MTMR7: variants seen among roughly 807,000 people sequenced by gnomAD.
The protein encoded by MTMR7 is phosphatidylinositol-3-phosphate phosphatase MTMR7.
MTMR7 carries 76 observed loss-of-function variants against 81.2 expected under a neutral mutation model. That is an observed-to-expected ratio of 0.94 (90% CI 0.78 to 1.13). MTMR7 has a LOEUF of 1.13. Ranked by LOEUF, MTMR7 falls within the 50% of genes most tolerant of loss-of-function variation. MTMR7 has a pLI of 0.00. For missense variants in MTMR7, 1,044 were observed against 820.0 expected, an observed-to-expected ratio of 1.27 and a Z score of -3.34; for synonymous variants, 372 against 289.8, an observed-to-expected ratio of 1.28 and a Z score of -2.88.
intron 7 of MTMR7, among the ~76,000 whole-genome samples, chr8:17,318,578 C>T (rs1422790486): frequency 2.6e-5 from 4 of 152,128 alleles, no homozygotes; most frequent in African/African-American, 4.8e-5. Flanking sequence ...CAGGAGGAAT[C>T]GCTGTTGGCC....
At chr8:17,304,247 T>G (rs1206383261) in intron 12 of MTMR7, 132 bp downstream of exon 12, 3 of 939,444 alleles carry the variant, frequency 3.2e-6, no homozygotes, top group Non-Finnish European at 4.5e-6. Flanking sequence ...TATTCAAGCA[T>G]CTCCCTCTGG....
intron 5 of MTMR7, among the ~76,000 whole-genome samples, chr8:17,348,354 A>G (rs1819624332): frequency 6.6e-6 from 1 of 151,710 alleles, no homozygotes; most frequent in East Asian, 2.0e-4. Flanking sequence ...CCTGGCCAAC[A>G]TGGTGAAACC....
intron 1 of MTMR7, among the ~76,000 whole-genome samples, chr8:17,392,502 G>C (rs945346698): frequency 6.6e-6 from 1 of 152,162 alleles, no homozygotes; most frequent in Non-Finnish European, 1.5e-5. Context: ...CCACTAAAAA[G>C]CCAAAGTGTG....
At chr8:17,375,401 A>T (rs73666126) in intron 1 of MTMR7, among the ~76,000 whole-genome samples, 12,812 of 152,126 alleles carry the variant, frequency 0.084, 1,411 homozygotes, top group East Asian at 0.39. Context: ...GAGCATTGTG[A>T]AATTCCTGAG....
chr8:17,357,851 C>T (rs1337920107), intron 4 of MTMR7, among the ~76,000 whole-genome samples: 1 of 152,176 alleles, frequency 6.6e-6, no homozygotes, highest in African/African-American at 2.4e-5. Context: ...TTCCGTTATT[C>T]TTCAAAGTCC....
chr8:17,359,900 T>G (rs1325106826), intron 4 of MTMR7, among the ~76,000 whole-genome samples: 2 of 152,166 alleles, frequency 1.3e-5, no homozygotes, highest in Non-Finnish European at 2.9e-5. Flanking sequence ...TTTGACAACA[T>G]GTACAAAACT....
At chr8:17,379,417 A>C (rs1820693297) in intron 1 of MTMR7, among the ~76,000 whole-genome samples, 1 of 152,218 alleles carries the variant, frequency 6.6e-6, no homozygotes, top group Non-Finnish European at 1.5e-5. Flanking sequence ...ATTTGAAGGA[A>C]AGATGCCTGT....
chr8:17,351,147 T>C (rs1252062963), intron 4 of MTMR7, among the ~76,000 whole-genome samples: 1 of 152,208 alleles, frequency 6.6e-6, no homozygotes, highest in Non-Finnish European at 1.5e-5. Flanking sequence ...AAATAACAGT[T>C]TTTAAAAGGA....
intron 1 of MTMR7, among the ~76,000 whole-genome samples, chr8:17,398,363 A>G (rs1821322086): frequency 6.6e-6 from 1 of 152,220 alleles, no homozygotes; most frequent in Non-Finnish European, 1.5e-5. Context: ...AATAATTAAA[A>G]AGCATCAAGC....
chr8:17,300,335 A>G (rs1817033909), intron 13 of MTMR7, 111 bp from the exon 14 acceptor site: 1 of 1,200,554 alleles, frequency 8.3e-7, no homozygotes, highest in Non-Finnish European at 1.1e-6. Flanking sequence ...TGTTAAGAAC[A>G]TGTGACTCAG....
chr8:17,373,778 T>A (rs2150567004), intron 1 of MTMR7, among the ~76,000 whole-genome samples: 1 of 152,318 alleles, frequency 6.6e-6, no homozygotes, highest in African/African-American at 2.4e-5. Context: ...TCAAGATCCT[T>A]ACATTCATTT....
chr8:17,342,529 TG>T (rs1207124540), intron 5 of MTMR7, among the ~76,000 whole-genome samples: 11 of 152,256 alleles, frequency 7.2e-5, no homozygotes, highest in African/African-American at 2.4e-4. Flanking sequence ...ATAGCTTAAT[TG>T]TCTTTGAATC....
intron 6 of MTMR7, among the ~76,000 whole-genome samples, chr8:17,339,655 T>A (rs928112957): frequency 6.6e-6 from 1 of 152,264 alleles, no homozygotes; most frequent in African/African-American, 2.4e-5. Context: ...ATTCTCCATT[T>A]ATGAACATTT....
chr8:17,400,957 G>A (rs60749264), intron 1 of MTMR7, among the ~76,000 whole-genome samples: 9,840 of 152,210 alleles, frequency 0.065, 380 homozygotes, highest in African/African-American at 0.1. Context: ...TTGAAGTCTG[G>A]TGGTCTTGCA....
chr8:17,370,602 A>C (rs1163078256), intron 3 of MTMR7, among the ~76,000 whole-genome samples: 1 of 151,644 alleles, frequency 6.6e-6, no homozygotes, highest in Non-Finnish European at 1.5e-5. Flanking sequence ...GAAACAAAAA[A>C]GCAATGGAGA....
chr8:17,313,151 G>C (rs903000970), intron 8 of MTMR7, 141 bp downstream of exon 8: 8 of 531,466 alleles, frequency 1.5e-5, no homozygotes, highest in Admixed American at 3.1e-5. Context: ...TCAGCGCACA[G>C]ACTACGGAGC....
rs964070657 is a variant in MTMR7 at position 17,341,311 on chromosome 8, T to A, written c.732+52A>T. On this transcript the variant is annotated intron_variant, in intron 6 of 13. Transcript: ENST00000180173. Reference sequence around the variant, plus strand: ...GGCAGTCGGCTAGCCTTTGCCTGTCTCCAGTTTCACAACTCAGGTGCAAAG... The same window carrying A: ...GGCAGTCGGCTAGCCTTTGCCTGTCACCAGTTTCACAACTCAGGTGCAAAG... 74 of 1,605,588 alleles carry A rather than the reference T, an allele frequency of 4.6e-5. No homozygotes were observed. In the South Asian group the frequency reaches 7.3e-4, roughly 16 times the overall value.
chr8:17,355,608 G>A (rs958973810), intron 4 of MTMR7, among the ~76,000 whole-genome samples: 7 of 151,632 alleles, frequency 4.6e-5, no homozygotes, highest in African/African-American at 1.7e-4. Context: ...GACAAAACAT[G>A]GTAAGAAAGA....
chr8:17,368,310 T>A (rs193032753), intron 3 of MTMR7, among the ~76,000 whole-genome samples: 158 of 152,328 alleles, frequency 1.0e-3, no homozygotes, highest in African/African-American at 3.4e-3. Context: ...GACTGGTACC[T>A]GTCTGCGGCC....
Sources: allele counts gnomAD v4.1 joint callset (sites outside exome capture counted in the v4.1 genomes callset), GRCh38; gene constraint gnomAD v4.1.1; transcripts MANE v1.5; gene names NCBI Gene and HGNC (gene_info 2026-07-23, HGNC 2026-07-21).